Variants in MAF observed in about 807,000 individuals in gnomAD.
The protein encoded by MAF is MAF bZIP transcription factor, also known as transcription factor Maf.
In MAF, 10 loss-of-function variants were observed where a neutral mutation model predicts 22.0. The ratio of observed to expected loss-of-function variants is 0.45; its 90% CI spans 0.28 to 0.77. The LOEUF (loss-of-function observed/expected upper bound fraction) is 0.77, where lower values mean the gene tolerates loss of function less well. Ranked by LOEUF, MAF falls within the 30% of genes least tolerant of loss-of-function variation. The pLI is 0.12. For missense variants in MAF, 544 were observed against 548.4 expected, an observed-to-expected ratio of 0.99 and a Z score of 0.08; for synonymous variants, 337 against 255.8, an observed-to-expected ratio of 1.32 and a Z score of -3.03.
At chr16:79,272,356 G>C in the MAF span, among the ~76,000 whole-genome samples, 40 of 152,342 alleles carry the variant, frequency 2.6e-4, no homozygotes, top group Admixed American at 1.3e-4. Context: ...GCCCCCTTTA[G>C]TACGAGCCCA....
chr16:79,596,651 T>A (rs1021537985), intron 1 of MAF: 122 of 1,038,648 alleles, frequency 1.2e-4, no homozygotes, highest in Non-Finnish European at 1.4e-4. Context: ...AAGATTTTTT[T>A]ATATTTATTG....
chr16:79,585,159 G>C (rs1052329608), downstream of MAF, among the ~76,000 whole-genome samples: 8 of 152,214 alleles, frequency 5.3e-5, no homozygotes, highest in African/African-American at 1.7e-4. Flanking sequence ...TGTTGGTCTA[G>C]TTTTCCAAAT....
the MAF span, among the ~76,000 whole-genome samples, chr16:79,253,093 A>C: frequency 6.6e-6 from 1 of 152,134 alleles, no homozygotes; most frequent in African/African-American, 2.4e-5. Flanking sequence ...CCTCACCTAT[A>C]ATTACCCGGT....
chr16:79,571,493 G>A, the MAF span, among the ~76,000 whole-genome samples: 1 of 144,798 alleles, frequency 6.9e-6, no homozygotes, highest in African/African-American at 2.6e-5. Flanking sequence ...GCCTGGTGCA[G>A]TATTAGCATA....
the MAF span, among the ~76,000 whole-genome samples, chr16:79,544,218 C>A: frequency 6.6e-6 from 1 of 152,178 alleles, no homozygotes; most frequent in Non-Finnish European, 1.5e-5. Flanking sequence ...ACAGTAGGAA[C>A]TAGCTACATA....
At chr16:79,215,428 T>A in the MAF span, among the ~76,000 whole-genome samples, 1 of 152,170 alleles carries the variant, frequency 6.6e-6, no homozygotes, top group African/African-American at 2.4e-5. Context: ...TAGTTATGCT[T>A]CAAGCATTTG....
the MAF span, among the ~76,000 whole-genome samples, chr16:79,469,705 T>C: frequency 0.014 from 2,107 of 152,240 alleles, 50 homozygotes; most frequent in African/African-American, 0.048. Context: ...CAAGTGATTC[T>C]CCTGCCTCAG....
downstream of MAF, among the ~76,000 whole-genome samples, chr16:79,583,719 A>T (rs111886098): frequency 1.4e-4 from 22 of 152,336 alleles, no homozygotes; most frequent in African/African-American, 5.3e-4. Flanking sequence ...ACAACTCAAG[A>T]TAGAAGACAG....
At chr16:79,389,351 T>C in the MAF span, among the ~76,000 whole-genome samples, 1 of 152,280 alleles carries the variant, frequency 6.6e-6, no homozygotes, top group Non-Finnish European at 1.5e-5. Context: ...AACCTCTGCC[T>C]CCTGGGTTCA....
rs990915265 is a variant in MAF at position 79,595,959 on chromosome 16, T to A, written c.1119-1406A>T. On this transcript the variant is annotated intron_variant, in intron 1 of 1. Transcript: ENST00000326043. ...AAACAAAACAAACAACTATGATTTG[T>A]CATGTTTATGTTAAATCTTGTCAGG... The A allele has an allele frequency of 6.6e-6, 7 of 1,061,480 alleles. No homozygotes were observed. The African/African-American group carries it at 9.9e-5, about 15-fold the overall frequency. The allele number at this position is 1,061,480 out of a possible 1,614,324, so 65.8% of individuals were successfully genotyped here. A position where few individuals can be genotyped will look rare whatever the true frequency, so the allele number is the denominator to read the frequency against.
In MAF at chr16:79,599,061, A is replaced by G. The variant is rs776147989; in HGVS notation, c.842T>C (p.Val281Ala). The change falls in exon 1 of 2, where the codon GTC becomes GCC. Residue 281 changes from valine to alanine, a missense_variant. Transcript: ENST00000326043. Reference sequence around the variant, plus strand: ...CAGCCGGATCACCTCCTCCTTGCTGACCCCGCGCAGCTGCCGGTTCAGCTC... The same window carrying G: ...CAGCCGGATCACCTCCTCCTTGCTGGCCCCGCGCAGCTGCCGGTTCAGCTC... ...VRELNRQLRGVSKEEVIRLKQ... is the reference protein window; with the variant it reads ...VRELNRQLRGASKEEVIRLKQ... 3.1e-6 allele frequency: 5 copies of G among 1,610,350 alleles called. No homozygotes were observed. The African/African-American group carries it at 4.0e-5, about 13-fold the overall frequency.
chr16:79,474,702 T>C, the MAF span, among the ~76,000 whole-genome samples: 1 of 152,284 alleles, frequency 6.6e-6, no homozygotes, highest in African/African-American at 2.4e-5. Context: ...TGTTGAATAT[T>C]TATTTTTTGC....
the MAF span, among the ~76,000 whole-genome samples, chr16:79,511,677 C>G: frequency 3.3e-5 from 5 of 152,290 alleles, no homozygotes; most frequent in Middle Eastern, 3.4e-3. Context: ...TTATTGAGTG[C>G]TCACCAATCG....
chr16:79,574,507 T>C, the MAF span, among the ~76,000 whole-genome samples: 6 of 152,194 alleles, frequency 3.9e-5, no homozygotes, highest in East Asian at 1.9e-4. Flanking sequence ...AAATCGTCTA[T>C]GCATCTCTCT....
At chr16:79,232,828 T>C in the MAF span, among the ~76,000 whole-genome samples, 3 of 148,426 alleles carry the variant, frequency 2.0e-5, no homozygotes, top group East Asian at 2.0e-4. Context: ...ATTGTAAAGA[T>C]AAGCCATTCT....
chr16:79,244,301 G>A, the MAF span, among the ~76,000 whole-genome samples: 4 of 151,986 alleles, frequency 2.6e-5, no homozygotes, highest in African/African-American at 9.7e-5. Context: ...TGACATGATT[G>A]CATATTTAGA....
the MAF span, among the ~76,000 whole-genome samples, chr16:79,304,194 T>C: frequency 6.6e-6 from 1 of 152,198 alleles, no homozygotes; most frequent in African/African-American, 2.4e-5. Flanking sequence ...ATCCATTTGG[T>C]TGTGACCTGT....
the MAF span, among the ~76,000 whole-genome samples, chr16:79,428,085 C>A: frequency 2.1e-3 from 266 of 125,894 alleles, no homozygotes; most frequent in Middle Eastern, 4.5e-3. Context: ...GAGTGAGACA[C>A]CGACTCAAAT....
chr16:79,600,187 G>T lies in MAF; in HGVS notation c.-285C>A. The T allele has an allele frequency of 2.7e-6, 1 of 372,690 alleles. No individual in the cohort carries two copies. Among genetic ancestry groups the T allele is most frequent in the Admixed American group, 5.0e-5 (1 of 19,894 alleles). The allele number at this position is 372,690 out of a possible 1,614,324, so 23.1% of individuals were successfully genotyped here. On this transcript the variant is annotated 5_prime_UTR_variant, in exon 1 of 2. Coordinates refer to ENST00000326043, the MANE Select transcript of MAF (RefSeq NM_005360.5). ...GCTCGCTCGCCTCCTTGCGCGCCGAGCCGGCGGCTTCAGGCTCGGGAAGAT... is the reference window on the plus strand; with the variant it reads ...GCTCGCTCGCCTCCTTGCGCGCCGATCCGGCGGCTTCAGGCTCGGGAAGAT...
Sources: gnomAD v4.1 joint callset for allele counts (sites outside exome capture counted in the v4.1 genomes callset) on GRCh38, gnomAD v4.1.1 for gene constraint, MANE v1.5 for transcripts, NCBI Gene and HGNC (gene_info 2026-07-23, HGNC 2026-07-21) for gene names.